COLEC12: variants seen among roughly 807,000 people sequenced by gnomAD.
The protein encoded by COLEC12 is collectin-12.
COLEC12 carries 33 observed loss-of-function variants against 71.1 expected under a neutral mutation model. That is an observed-to-expected ratio of 0.46 (90% CI 0.35 to 0.62). The LOEUF is 0.62. COLEC12 is among the 20% of genes least tolerant of loss of function. The pLI is 0.00. For synonymous variants in COLEC12, 350 were observed against 353.0 expected (o/e 0.99, Z 0.10); for missense variants, 765 against 916.1 (o/e 0.84, Z 2.13).
At chr18:394,215 C>T (rs1254665385) in intron 2 of COLEC12, among the ~76,000 whole-genome samples, 1 of 152,198 alleles carries the variant, frequency 6.6e-6, no homozygotes, top group Non-Finnish European at 1.5e-5. Context: ...TCTGTTTTGT[C>T]GTTCCATAGG....
Position 500,615 on chromosome 18 carries a change from C to CCGCGCCG in COLEC12, c.-108_-102dup, listed in dbSNP as rs1917806262. 2.0e-6 allele frequency: 2 copies of CCGCGCCG among 1,002,636 alleles called. No homozygotes were observed. Among genetic ancestry groups the CCGCGCCG allele is most frequent in the Middle Eastern group, 3.9e-4 (1 of 2,534 alleles). The allele number at this position is 1,002,636 out of a possible 1,614,324, so 62.1% of individuals were successfully genotyped here. A position where few individuals can be genotyped will look rare whatever the true frequency, so the allele number is the denominator to read the frequency against. ...GCTGCTCACCGCACGCCCATGGTAG[C>CCGCGCCG]CGCGCCGCGCGCCGGCCGTCTGCGC... is the stretch of plus-strand genomic sequence containing the variant. On this transcript the variant is annotated 5_prime_UTR_variant, in exon 1 of 10. Coordinates refer to ENST00000400256, the MANE Select transcript of COLEC12 (RefSeq NM_130386.3). This position sits in a 1 kb window ranked among gnomAD's most constrained non-coding sequence, Gnocchi z 5.3.
intron 2 of COLEC12, among the ~76,000 whole-genome samples, chr18:428,899 A>G (rs745898615): frequency 7.9e-5 from 12 of 152,222 alleles, no homozygotes; most frequent in Non-Finnish European, 1.5e-4. Context: ...TAAGGAACAC[A>G]AACACCGTAA....
chr18:324,977 C>T (rs1913802194), intron 8 of COLEC12, among the ~76,000 whole-genome samples: 1 of 152,160 alleles, frequency 6.6e-6, no homozygotes, highest in East Asian at 1.9e-4. Flanking sequence ...TCACTCGAGG[C>T]CAGGAGTTCA....
chr18:323,960 T>C (rs1249968201), intron 8 of COLEC12, among the ~76,000 whole-genome samples: 4 of 152,168 alleles, frequency 2.6e-5, no homozygotes, highest in Non-Finnish European at 5.9e-5. Flanking sequence ...CCTTTCTCCA[T>C]TTGTTTTTCC....
chr18:327,998 CT>C lies in COLEC12; in HGVS notation c.2063+3669del, dbSNP rs1362784898. ...ATTAGGCTGGCCAGGCTATTTCTTC[CT>C]TTTTTTTTCCTCGTTTTTTTAAGAG... On this transcript the variant is annotated intron_variant, in intron 8 of 9. Coordinates refer to ENST00000400256, the MANE Select transcript of COLEC12 (RefSeq NM_130386.3). This position sits in a 1 kb window ranked among gnomAD's most constrained non-coding sequence, Gnocchi z 4.0. Among the ~76,000 whole-genome samples the C allele has an allele frequency of 2.0e-5, 3 of 151,358 alleles. No individual in the cohort carries two copies. Among genetic ancestry groups the C allele is most frequent in the African/African-American group, 4.9e-5 (2 of 41,212 alleles).
rs149398747 is a variant in COLEC12 at position 329,756 on chromosome 18, A to G, written c.2063+1912T>C. ...TAAAATCTTCTAATGTTCCAAATCA[A>G]TATTTCGCCACATGTTTATTTTTTA... is the stretch of plus-strand genomic sequence containing the variant. On this transcript the variant is annotated intron_variant, in intron 8 of 9. Coordinates refer to ENST00000400256, the MANE Select transcript of COLEC12 (RefSeq NM_130386.3). Among the ~76,000 whole-genome samples, 35 of 152,306 alleles carry G rather than the reference A, an allele frequency of 2.3e-4. 2 individuals are homozygous for G. Among genetic ancestry groups the G allele is most frequent in the Middle Eastern group, 3.4e-3 (1 of 294 alleles).
chr18:361,410 CT>C (rs2143510149), intron 2 of COLEC12, among the ~76,000 whole-genome samples: 1 of 152,286 alleles, frequency 6.6e-6, no homozygotes, highest in East Asian at 1.9e-4. Context: ...TCAGTGGAAG[CT>C]TCCTCTTCCA....
intron 2 of COLEC12, among the ~76,000 whole-genome samples, chr18:365,713 T>A (rs1914840640): frequency 1.3e-5 from 2 of 152,178 alleles, no homozygotes; most frequent in South Asian, 4.1e-4. Context: ...TTATCTGGAA[T>A]ACACTGGCAA....
chr18:493,548 A>G (rs192489165), intron 1 of COLEC12, among the ~76,000 whole-genome samples: 1 of 152,156 alleles, frequency 6.6e-6, no homozygotes, highest in East Asian at 1.9e-4. Flanking sequence ...GGCATGTTCT[A>G]CTCTCTACTT....
At chr18:377,425 T>C (rs1475857566) in intron 2 of COLEC12, among the ~76,000 whole-genome samples, 1 of 152,230 alleles carries the variant, frequency 6.6e-6, no homozygotes, top group Non-Finnish European at 1.5e-5. Flanking sequence ...ATTCCCTGGC[T>C]AGATCTAACA....
At chr18:474,657 G>T (rs1248655171) in intron 2 of COLEC12, among the ~76,000 whole-genome samples, 1 of 152,200 alleles carries the variant, frequency 6.6e-6, no homozygotes, top group Non-Finnish European at 1.5e-5. Context: ...CCACCTGCCT[G>T]CCTGGAAGCA....
In COLEC12 at chr18:484,987, C is replaced by T. The variant is rs896498157; in HGVS notation, c.8-4230G>A. ...GATTTACATCATGCAACCATAGCCACGGGAAAGAGAATGAGTAGTCAGTGT... is the reference window on the plus strand; with the variant it reads ...GATTTACATCATGCAACCATAGCCATGGGAAAGAGAATGAGTAGTCAGTGT... On this transcript the variant is annotated intron_variant, in intron 1 of 9. Coordinates refer to ENST00000400256, the MANE Select transcript of COLEC12 (RefSeq NM_130386.3). Among the ~76,000 whole-genome samples, 4 of 151,996 alleles carry T rather than the reference C, an allele frequency of 2.6e-5. 1 individual carries two copies. In the East Asian group the frequency reaches 7.7e-4, roughly 29 times the overall value.
intron 3 of COLEC12, among the ~76,000 whole-genome samples, chr18:350,183 T>A (rs760764802): frequency 2.6e-5 from 4 of 152,200 alleles, no homozygotes; most frequent in Admixed American, 6.5e-5. Context: ...AAGGACCCAG[T>A]GGGAGATAAT....
rs565899961 is a variant in COLEC12 at position 475,021 on chromosome 18, C to A, written c.58+5686G>T. ...CCCGGGAGGCGGAGGTTGCAGTGAGCCGAGATCGCGCCACTGCACTCCAGC... is the reference window on the plus strand; with the variant it reads ...CCCGGGAGGCGGAGGTTGCAGTGAGACGAGATCGCGCCACTGCACTCCAGC... On this transcript the variant is annotated intron_variant, in intron 2 of 9. Transcript: ENST00000400256. Among the ~76,000 whole-genome samples the A allele has an allele frequency of 1.5e-4, 23 of 152,106 alleles. No homozygotes were observed. In the South Asian group the frequency reaches 4.8e-3, roughly 32 times the overall value.
intron 5 of COLEC12, among the ~76,000 whole-genome samples, chr18:342,618 GAGAAAAGGTGTGGA>G: frequency 6.6e-6 from 1 of 152,378 alleles, no homozygotes; most frequent in East Asian, 1.9e-4. Flanking sequence ...AGGTGCTAGA[GAGAAAAGGTGTGGA>G]AGAAAACACT....
chr18:426,552 G>A (rs1182195553), intron 2 of COLEC12, among the ~76,000 whole-genome samples: 3 of 152,126 alleles, frequency 2.0e-5, no homozygotes, highest in Non-Finnish European at 2.9e-5. Flanking sequence ...ATTCCTGACC[G>A]CTTCTATATG....
intron 2 of COLEC12, among the ~76,000 whole-genome samples, chr18:478,441 T>C (rs987516727): frequency 1.3e-5 from 2 of 152,062 alleles, no homozygotes; most frequent in African/African-American, 4.8e-5. Context: ...AGTAAGACAT[T>C]GTCTCTACAA....
At chr18:335,796 G>A (rs1190975261) in intron 5 of COLEC12, among the ~76,000 whole-genome samples, 1 of 152,210 alleles carries the variant, frequency 6.6e-6, no homozygotes, top group Non-Finnish European at 1.5e-5. Flanking sequence ...TCTTCAGTAA[G>A]CTCACCCTTC....
At position 500,539 on chromosome 18, in the gene COLEC12, G is replaced by A; in HGVS notation, c.-25C>T. On this transcript the variant is annotated 5_prime_UTR_variant, in exon 1 of 10. Transcript: ENST00000400256. The surrounding 1 kb of genome is among the most constrained non-coding windows in gnomAD (Gnocchi z 5.3). ...TGGTGACCGTGGGGACGCACCGCCG[G>A]CCGGGGAGCTCCGCGCGAGCGCCGC... 1 of 1,224,130 alleles carries A rather than the reference G, an allele frequency of 8.2e-7. No individual in the cohort carries two copies. Among genetic ancestry groups the A allele is most frequent in the Non-Finnish European group, 1.0e-6 (1 of 983,084 alleles). 75.8% of individuals were successfully genotyped at this position (1,224,130 alleles called of 1,614,324 possible). A position where few individuals can be genotyped will look rare whatever the true frequency, so the allele number is the denominator to read the frequency against.
Sources: gnomAD v4.1 joint callset for allele counts (sites outside exome capture counted in the v4.1 genomes callset) on GRCh38, gnomAD v4.1.1 for gene constraint, Gnocchi (gnomAD v3.1) non-coding constraint, MANE v1.5 for transcripts, NCBI Gene and HGNC (gene_info 2026-07-23, HGNC 2026-07-21) for gene names.